The following DIP2C variants were observed in gnomAD, a reference collection of about 807,000 sequenced individuals.
DIP2C encodes DIP2 acetate--CoA ligase C (putative).
Under a neutral mutation model 192.4 loss-of-function variants are expected in DIP2C, and 33 were observed. The observed-to-expected ratio is 0.17, with a 90% CI of 0.13 to 0.23. DIP2C has a LOEUF of 0.23. DIP2C is among the 10% of genes least tolerant of loss of function. The probability of loss-of-function intolerance (pLI) is 1.00; values close to 1 mark genes in which losing one functional copy is unlikely to be tolerated. For synonymous variants in DIP2C, 979 were observed against 864.1 expected, an observed-to-expected ratio of 1.13 and a Z score of -2.33; for missense variants, 1,537 against 2,110.1, an observed-to-expected ratio of 0.73 and a Z score of 5.32.
chr10:432,269 A>G (rs1966866184), intron 4 of DIP2C, among the ~76,000 whole-genome samples: 1 of 152,224 alleles, frequency 6.6e-6, no homozygotes. Flanking sequence ...GAGAATTGGC[A>G]TAATTTCTTT....
At chr10:304,878 C>T (rs1247411825) in intron 32 of DIP2C, among the ~76,000 whole-genome samples, 2 of 152,146 alleles carry the variant, frequency 1.3e-5, no homozygotes, top group African/African-American at 2.4e-5. Flanking sequence ...CCATGCAACA[C>T]ACACATGCAC....
intron 1 of DIP2C, chr10:628,493 G>C (rs551570984): frequency 7.2e-5 from 11 of 152,412 alleles, no homozygotes; most frequent in African/African-American, 2.2e-4. Flanking sequence ...GGTCCAGAGA[G>C]GGTGGGACAG....
intron 1 of DIP2C, among the ~76,000 whole-genome samples, chr10:549,891 C>A (rs191142894): frequency 5.8e-4 from 88 of 152,184 alleles, no homozygotes; most frequent in African/African-American, 2.0e-3. Context: ...AGCCCAGGGG[C>A]CCACACTGCT....
intron 8 of DIP2C, among the ~76,000 whole-genome samples, chr10:409,647 C>G (rs539069237): frequency 1.3e-5 from 2 of 152,222 alleles, no homozygotes; most frequent in Non-Finnish European, 2.9e-5. Context: ...AAGTCACTCC[C>G]GGTGACGTCC....
At chr10:618,549 G>A (rs747518379) in intron 1 of DIP2C, among the ~76,000 whole-genome samples, 14 of 151,934 alleles carry the variant, frequency 9.2e-5, no homozygotes, top group East Asian at 1.9e-4. Flanking sequence ...GCCAGGTGAC[G>A]GTGGCTTTCA....
At chr10:307,783 G>A (rs1156898090) in intron 32 of DIP2C, among the ~76,000 whole-genome samples, 1 of 152,020 alleles carries the variant, frequency 6.6e-6, no homozygotes, top group East Asian at 1.9e-4. Context: ...GCGGCACACG[G>A]TCCATCTGGA....
chr10:344,391 G>A (rs1207956699), intron 28 of DIP2C, among the ~76,000 whole-genome samples: 3 of 125,868 alleles, frequency 2.4e-5, no homozygotes, highest in African/African-American at 9.6e-5. Context: ...GGTGGGGCGG[G>A]GGCGGGGCGG....
At chr10:670,436 T>G (rs1380319076) in intron 1 of DIP2C, among the ~76,000 whole-genome samples, 1 of 152,174 alleles carries the variant, frequency 6.6e-6, no homozygotes, top group South Asian at 2.1e-4. Flanking sequence ...AAAATTCTGA[T>G]GCAAACAAGA....
chr10:576,084 G>A (rs967545372), intron 1 of DIP2C, among the ~76,000 whole-genome samples: 2 of 152,232 alleles, frequency 1.3e-5, no homozygotes, highest in Non-Finnish European at 2.9e-5. Context: ...AGCAAATGCA[G>A]AGTTCACACG....
At chr10:471,988 C>G (rs1457370472) in intron 3 of DIP2C, among the ~76,000 whole-genome samples, 3 of 152,118 alleles carry the variant, frequency 2.0e-5, no homozygotes, top group Non-Finnish European at 4.4e-5. Flanking sequence ...GCAACTCAGT[C>G]TCCAGACAAC....
At chr10:318,106 G>A (rs1306790916) in intron 31 of DIP2C, among the ~76,000 whole-genome samples, 1 of 152,172 alleles carries the variant, frequency 6.6e-6, no homozygotes, top group African/African-American at 2.4e-5. Flanking sequence ...ATGGAGATGC[G>A]TAAGGGCAGG....
At chr10:496,719 T>G (rs933199748) in intron 1 of DIP2C, among the ~76,000 whole-genome samples, 3 of 150,810 alleles carry the variant, frequency 2.0e-5, no homozygotes, top group African/African-American at 7.3e-5. Flanking sequence ...GAGTGCTGAG[T>G]GCATAGAACC....
At chr10:643,662 T>C (rs4881497) in intron 1 of DIP2C, among the ~76,000 whole-genome samples, 149,612 of 152,364 alleles carry the variant, frequency 0.98, 73,513 homozygotes, top group Middle Eastern at 1. Context: ...TCACAGAGGC[T>C]GAGATTCCCT....
chr10:648,779 G>T (rs551539224), intron 1 of DIP2C, among the ~76,000 whole-genome samples: 1 of 147,548 alleles, frequency 6.8e-6, no homozygotes, highest in Non-Finnish European at 1.5e-5. Flanking sequence ...CTGAGTCCAC[G>T]TCCACATTTG....
chr10:463,736 T>C (rs1259495350), intron 3 of DIP2C, among the ~76,000 whole-genome samples: 1 of 152,092 alleles, frequency 6.6e-6, no homozygotes, highest in African/African-American at 2.4e-5. Context: ...CTACCTGACT[T>C]CAAACTATAG....
chr10:629,064 G>A (rs1240645099), intron 1 of DIP2C, among the ~76,000 whole-genome samples: 2 of 152,248 alleles, frequency 1.3e-5, no homozygotes, highest in Non-Finnish European at 1.5e-5. Context: ...ACAAGTTAGA[G>A]AAGGGGCTGC....
At chr10:592,318 C>T (rs989144828) in intron 1 of DIP2C, among the ~76,000 whole-genome samples, 2 of 152,204 alleles carry the variant, frequency 1.3e-5, no homozygotes, top group African/African-American at 2.4e-5. Context: ...ATGTTGCCTC[C>T]GTAGCAGCGG....
intron 1 of DIP2C, among the ~76,000 whole-genome samples, chr10:545,657 A>T (rs1321218363): frequency 6.6e-6 from 1 of 152,198 alleles, no homozygotes; most frequent in Non-Finnish European, 1.5e-5. Flanking sequence ...TTTAAGCCTC[A>T]CAGTCTGCGG....
At chr10:405,046 G>T (rs138551144) in intron 9 of DIP2C, among the ~76,000 whole-genome samples, 3 of 152,350 alleles carry the variant, frequency 2.0e-5, no homozygotes, top group South Asian at 2.1e-4. Flanking sequence ...AAATTCAGAT[G>T]TTGAAGTTCC....
Sources: allele counts gnomAD v4.1 joint callset (sites outside exome capture counted in the v4.1 genomes callset), GRCh38; gene constraint gnomAD v4.1.1; transcripts MANE v1.5; gene names NCBI Gene and HGNC (gene_info 2026-07-23, HGNC 2026-07-21).